Variants in RMC1 observed in about 807,000 individuals in gnomAD.
RMC1 encodes regulator of MON1-CCZ1.
A neutral mutation model predicts 95.5 loss-of-function variants in RMC1; 44 were observed. That is an observed-to-expected ratio of 0.46 (90% CI 0.36 to 0.59). RMC1 has a LOEUF of 0.59. Ranked by LOEUF, RMC1 falls within the 20% of genes least tolerant of loss-of-function variation. RMC1 has a pLI of 0.00. For synonymous variants in RMC1, 320 were observed against 303.6 expected (o/e 1.05, Z -0.56); for missense variants, 705 against 819.6 (o/e 0.86, Z 1.71).
chr18:23,515,864 A>G lies in RMC1; in HGVS notation c.417A>G (p.Pro139=). Residue 139 remains proline (P), a synonymous_variant, in exon 6 of 20, where the codon CCA becomes CCG. Transcript: ENST00000269221. ...CTTAAACTCTGCTTCAGGTATTACCAGAGAAACGGAGTCTGAAACTCTTGA... is the reference window on the plus strand; with the variant it reads ...CTTAAACTCTGCTTCAGGTATTACCGGAGAAACGGAGTCTGAAACTCTTGA... ...DQGIEFYQVL[P]EKRSLKLLKS... The G allele has an allele frequency of 6.2e-7, 1 of 1,614,158 alleles. No individual in the cohort carries two copies. Among genetic ancestry groups the G allele is most frequent in the Non-Finnish European group, 8.5e-7 (1 of 1,180,026 alleles).
Position 23,520,297 on chromosome 18 carries a change from T to C in RMC1, c.945T>C (p.Tyr315=). 2 of 1,613,766 alleles carry C rather than the reference T, an allele frequency of 1.2e-6. No individual in the cohort carries two copies. The highest frequency in any genetic ancestry group is 1.7e-6 in the Non-Finnish European group (2 of 1,179,716). Residue 315 remains tyrosine, a synonymous_variant, in exon 10 of 20, where the codon TAT becomes TAC. Coordinates refer to ENST00000269221, the MANE Select transcript of RMC1 (RefSeq NM_013326.5). ...PVLPARSIQP[Y]QIPITGPAAV... ...TTCCCGCTCGATCGATCCAGCCCTA[T>C]CAGATCCCCATCACAGGTAACACGG... is the stretch of plus-strand genomic sequence containing the variant.
At chr18:23,529,879 G>A in intron 16 of RMC1, 149 bp from the exon 17 acceptor site, 2 of 1,042,812 alleles carry the variant, frequency 1.9e-6, no homozygotes, top group Non-Finnish European at 2.9e-6. Flanking sequence ...GTAAGGTCAA[G>A]TTGGGGTCTT....
Position 23,529,552 on chromosome 18 carries a change from A to G in RMC1, c.1417-83A>G. 2.2e-6 allele frequency: 3 copies of G among 1,348,372 alleles called. No individual in the cohort carries two copies. The South Asian group carries it at 3.6e-5, about 16-fold the overall frequency. 83.5% of individuals were successfully genotyped at this position (1,348,372 alleles called of 1,614,324 possible). Reference sequence around the variant, plus strand: ...CACTGGGCCATTTTAAGATGGAAACAAGGTGGGGGTTGGATAGAGAGTTAT... The same window carrying G: ...CACTGGGCCATTTTAAGATGGAAACGAGGTGGGGGTTGGATAGAGAGTTAT... On this transcript the variant is annotated intron_variant, in intron 15 of 19. Transcript: ENST00000269221.
At chr18:23,514,035 G>C (rs1046268746) in intron 5 of RMC1, among the ~76,000 whole-genome samples, 1 of 152,120 alleles carries the variant, frequency 6.6e-6, no homozygotes, top group East Asian at 1.9e-4. Flanking sequence ...ATCTGTTCCA[G>C]CTTCCTGACC....
At chr18:23,527,286 C>T (rs1413875675) in intron 13 of RMC1, among the ~76,000 whole-genome samples, 1 of 150,712 alleles carries the variant, frequency 6.6e-6, no homozygotes, top group Non-Finnish European at 1.5e-5. Flanking sequence ...GTGGCCCCAG[C>T]TACTCCAGAG....
chr18:23,520,861 G>A (rs544081837), intron 10 of RMC1, among the ~76,000 whole-genome samples: 1 of 152,238 alleles, frequency 6.6e-6, no homozygotes, highest in Admixed American at 6.5e-5. Context: ...GATTACAGGC[G>A]TGCACCACCA....
intron 14 of RMC1, chr18:23,528,702 G>A (rs1304802831): frequency 2.6e-5 from 4 of 154,636 alleles, no homozygotes; most frequent in African/African-American, 9.7e-5. Flanking sequence ...GGAATCAGTA[G>A]GTCTGATCCC....
intron 7 of RMC1, 81 bp from the exon 8 acceptor site, chr18:23,518,808 AT>A: frequency 4.0e-6 from 5 of 1,260,496 alleles, no homozygotes; most frequent in African/African-American, 1.5e-5. Flanking sequence ...ATATCTTATA[AT>A]TTACTTAACC....
intron 19 of RMC1, 111 bp from the exon 20 acceptor site, chr18:23,531,514 A>ATTAT: frequency 2.0e-6 from 3 of 1,505,668 alleles, no homozygotes; most frequent in Non-Finnish European, 2.6e-6. Context: ...AAAACAATGT[A>ATTAT]TTTTATTAAA....
intron 10 of RMC1, among the ~76,000 whole-genome samples, chr18:23,523,404 G>A (rs531863452): frequency 6.6e-6 from 1 of 151,944 alleles, no homozygotes; most frequent in South Asian, 2.1e-4. Flanking sequence ...ATGGATAATC[G>A]AACTAATTAT....
intron 12 of RMC1, 56 bp downstream of exon 12, chr18:23,524,538 CCCAGTTGT>C: frequency 6.4e-7 from 1 of 1,570,632 alleles, no homozygotes; most frequent in Non-Finnish European, 8.8e-7. Flanking sequence ...GACTTTGGAT[CCCAGTTGT>C]AGCCAGGGAC....
At chr18:23,515,216 G>A (rs73390282) in intron 5 of RMC1, among the ~76,000 whole-genome samples, 3,755 of 152,228 alleles carry the variant, frequency 0.025, 125 homozygotes, top group African/African-American at 0.086. Context: ...CACATGCCCA[G>A]GCATGTGGAG....
At chr18:23,526,388 G>C (rs1298288105) in intron 12 of RMC1, among the ~76,000 whole-genome samples, 1 of 152,180 alleles carries the variant, frequency 6.6e-6, no homozygotes, top group Non-Finnish European at 1.5e-5. Flanking sequence ...TGAATGCAGA[G>C]GTTACTTGGA....
chr18:23,511,547 A>C (rs2057858004), intron 5 of RMC1, among the ~76,000 whole-genome samples: 1 of 152,190 alleles, frequency 6.6e-6, no homozygotes, highest in Non-Finnish European at 1.5e-5. Context: ...AATCCCGATA[A>C]ATAATTATTA....
At chr18:23,504,611 T>A in intron 2 of RMC1, 164 bp downstream of exon 2, 1 of 580,044 alleles carries the variant, frequency 1.7e-6, no homozygotes, top group South Asian at 2.1e-5. Context: ...TCGTGGCACT[T>A]ACTAGCACCT....
chr18:23,520,109 T>TA (rs1466706072), intron 9 of RMC1, 93 bp from the exon 10 acceptor site: 1 of 951,326 alleles, frequency 1.1e-6, no homozygotes, highest in African/African-American at 1.6e-5. Context: ...CACAGGCTTT[T>TA]AAACTGATTT....
intron 19 of RMC1, 22 bp downstream of exon 19, chr18:23,530,634 T>A: frequency 2.5e-6 from 4 of 1,606,676 alleles, no homozygotes; most frequent in Non-Finnish European, 3.4e-6. Context: ...ATGAAAAGAC[T>A]TGGGGTAACC....
At chr18:23,523,543 C>CAA (rs374224848) in intron 10 of RMC1, among the ~76,000 whole-genome samples, 27,555 of 75,410 alleles carry the variant, frequency 0.37, 7,325 homozygotes, top group East Asian at 0.58. Flanking sequence ...CTTGTCTTCA[C>CAA]AAAAAAAAAA....
chr18:23,523,927 G>A (rs565551208), intron 10 of RMC1, among the ~76,000 whole-genome samples: 4 of 152,284 alleles, frequency 2.6e-5, no homozygotes, highest in Admixed American at 2.6e-4. Context: ...TTTTCTTGGT[G>A]AGATTTTCCT....
Sources: gnomAD v4.1 joint callset for allele counts (sites outside exome capture counted in the v4.1 genomes callset) on GRCh38, gnomAD v4.1.1 for gene constraint, MANE v1.5 for transcripts, NCBI Gene and HGNC (gene_info 2026-07-23, HGNC 2026-07-21) for gene names.